The following GPHN variants were observed in gnomAD, a reference collection of about 807,000 sequenced individuals.
GPHN encodes the protein gephyrin.
A neutral mutation model predicts 95.5 loss-of-function variants in GPHN; 17 were observed. That is an observed-to-expected ratio of 0.18 (90% CI 0.12 to 0.27). The LOEUF is 0.27. Ranked by LOEUF, GPHN falls within the 10% of genes least tolerant of loss-of-function variation. The probability of loss-of-function intolerance (pLI) is 1.00; values close to 1 mark genes in which losing one functional copy is unlikely to be tolerated. For synonymous variants in GPHN, 320 were observed against 322.5 expected (o/e 0.99, Z 0.08); for missense variants, 660 against 978.1 (o/e 0.67, Z 4.34).
the GPHN span, chr14:67,651,343 C>A: frequency 1.2e-6 from 2 of 1,612,214 alleles, no homozygotes; most frequent in Non-Finnish European, 8.5e-7. Flanking sequence ...CATGCATTCA[C>A]AAGGTCAAAG....
the GPHN span, among the ~76,000 whole-genome samples, chr14:67,352,533 GTTCAC>G: frequency 6.6e-6 from 1 of 152,118 alleles, no homozygotes; most frequent in Non-Finnish European, 1.5e-5. Flanking sequence ...CAAACATGGT[GTTCAC>G]TTTAGATTGG....
At chr14:66,639,090 A>G (rs913772528) in intron 1 of GPHN, among the ~76,000 whole-genome samples, 4 of 150,266 alleles carry the variant, frequency 2.7e-5, no homozygotes, top group Non-Finnish European at 5.9e-5. Context: ...TTCATTATAT[A>G]TGGTTCCTAA....
chr14:67,054,107 G>A (rs1410633136), intron 10 of GPHN, among the ~76,000 whole-genome samples: 1 of 152,118 alleles, frequency 6.6e-6, no homozygotes, highest in Non-Finnish European at 1.5e-5. Context: ...GGAAATTCTG[G>A]CCAGGGCAAT....
chr14:66,788,163 C>T (rs1377384210), intron 3 of GPHN, among the ~76,000 whole-genome samples: 1 of 152,054 alleles, frequency 6.6e-6, no homozygotes. Flanking sequence ...ACAAAAACTA[C>T]CCAGACATGG....
chr14:66,945,401 C>G (rs1309214483), intron 8 of GPHN, among the ~76,000 whole-genome samples: 4 of 152,166 alleles, frequency 2.6e-5, no homozygotes, highest in Admixed American at 6.5e-5. Flanking sequence ...TCCACCTTAT[C>G]TACCTCCTGC....
rs1000816566 is a variant in GPHN at position 67,025,251 on chromosome 14, T to G, written c.1006+1576T>G. On this transcript the variant is annotated intron_variant, in intron 10 of 22. Coordinates refer to ENST00000478722, the MANE Select transcript of GPHN (RefSeq NM_020806.5). ...GTCTTATTACCAATAACACTACTAT[T>G]TGTCTCTGTCTGTCCTTGTCATTTT... is the stretch of plus-strand genomic sequence containing the variant. 8.5e-5 allele frequency among the ~76,000 whole-genome samples: 13 copies of G among 152,338 alleles called. No homozygotes were observed. The East Asian group carries it at 2.3e-3, about 27-fold the overall frequency.
the GPHN span, chr14:67,722,839 A>G: frequency 2.4e-6 from 2 of 831,660 alleles, no homozygotes; most frequent in Non-Finnish European, 4.1e-6. Flanking sequence ...GAAAAGCAGG[A>G]AGGAAGGGGG....
At chr14:66,792,327 A>G (rs1193269145) in intron 3 of GPHN, among the ~76,000 whole-genome samples, 1 of 151,836 alleles carries the variant, frequency 6.6e-6, no homozygotes, top group Non-Finnish European at 1.5e-5. Flanking sequence ...ACAAAATGAG[A>G]CCCCATCTCT....
At chr14:66,559,845 T>G (rs2060157589) in intron 1 of GPHN, among the ~76,000 whole-genome samples, 1 of 152,082 alleles carries the variant, frequency 6.6e-6, no homozygotes, top group Admixed American at 6.6e-5. Flanking sequence ...AATGCCTAGG[T>G]TTTTTTCTAG....
intron 1 of GPHN, among the ~76,000 whole-genome samples, chr14:66,590,601 C>T (rs1007638327): frequency 6.6e-5 from 10 of 152,084 alleles, no homozygotes; most frequent in Non-Finnish European, 1.5e-5. Flanking sequence ...AAGACTAAAC[C>T]TGGAAGAAGT....
the GPHN span, chr14:67,600,261 G>T: frequency 1.4e-6 from 2 of 1,416,128 alleles, no homozygotes; most frequent in African/African-American, 1.5e-5. Flanking sequence ...GCCGGCCCTG[G>T]CCGTCTCGCC....
the GPHN span, among the ~76,000 whole-genome samples, chr14:67,722,054 C>T: frequency 6.6e-6 from 1 of 152,082 alleles, no homozygotes; most frequent in African/African-American, 2.4e-5. Flanking sequence ...GTACTAGCAC[C>T]CAGATGAAAG....
intron 18 of GPHN, among the ~76,000 whole-genome samples, chr14:67,153,956 T>C (rs1417588090): frequency 6.6e-6 from 1 of 152,234 alleles, no homozygotes; most frequent in African/African-American, 2.4e-5. Flanking sequence ...GAAGCACTTC[T>C]TCATGTTCAA....
At chr14:66,716,668 T>A (rs2070212931) in intron 2 of GPHN, among the ~76,000 whole-genome samples, 1 of 152,180 alleles carries the variant, frequency 6.6e-6, no homozygotes, top group African/African-American at 2.4e-5. Context: ...CAGGAATTGT[T>A]TCAAGATTTA....
At chr14:66,541,768 C>A (rs2059362011) in intron 1 of GPHN, among the ~76,000 whole-genome samples, 1 of 152,158 alleles carries the variant, frequency 6.6e-6, no homozygotes, top group Non-Finnish European at 1.5e-5. Context: ...TAGGTTCATC[C>A]TTTTGGAGGT....
At chr14:67,631,948 C>T in the GPHN span, among the ~76,000 whole-genome samples, 2 of 152,170 alleles carry the variant, frequency 1.3e-5, no homozygotes, top group African/African-American at 2.4e-5. Flanking sequence ...AATCTTGGCT[C>T]ACTACAACCT....
chr14:67,585,650 C>T, the GPHN span: 1 of 1,558,946 alleles, frequency 6.4e-7, no homozygotes, highest in East Asian at 2.4e-5. Context: ...GACCACAACA[C>T]TATGGTATGA....
intron 8 of GPHN, among the ~76,000 whole-genome samples, chr14:66,928,287 A>G (rs1289393738): frequency 5.3e-5 from 8 of 152,056 alleles, no homozygotes; most frequent in African/African-American, 1.9e-4. Flanking sequence ...TTTATCCACT[A>G]CTTCTAGGTT....
chr14:67,453,050 G>C, the GPHN span, among the ~76,000 whole-genome samples: 2 of 152,210 alleles, frequency 1.3e-5, no homozygotes, highest in African/African-American at 4.8e-5. Flanking sequence ...AGAATTTTCT[G>C]TCTTCACACA....
Sources: gnomAD v4.1 joint callset for allele counts (sites outside exome capture counted in the v4.1 genomes callset) on GRCh38, gnomAD v4.1.1 for gene constraint, MANE v1.5 for transcripts, NCBI Gene and HGNC (gene_info 2026-07-23, HGNC 2026-07-21) for gene names.